The following GLCCI1 variants were observed in gnomAD, a reference collection of about 807,000 sequenced individuals.
GLCCI1 encodes glucocorticoid induced 1.
A neutral mutation model predicts 52.2 loss-of-function variants in GLCCI1; 24 were observed. That is an observed-to-expected ratio of 0.46 (90% confidence interval 0.33 to 0.65). The LOEUF is 0.65. GLCCI1 is among the 30% of genes least tolerant of loss of function. The pLI is 0.02. For missense variants in GLCCI1, 704 were observed against 701.5 expected (o/e 1.00, Z -0.04); for synonymous variants, 310 against 276.5 (o/e 1.12, Z -1.20).
intron 6 of GLCCI1, among the ~76,000 whole-genome samples, chr7:8,077,797 G>C (rs1782905175): frequency 6.6e-6 from 1 of 152,248 alleles, no homozygotes; most frequent in African/African-American, 2.4e-5. Flanking sequence ...ATTACATCTT[G>C]CTGCCTTTAC....
chr7:8,046,178 GA>G (rs759755315), intron 3 of GLCCI1, among the ~76,000 whole-genome samples: 92 of 151,444 alleles, frequency 6.1e-4, no homozygotes, highest in Non-Finnish European at 1.2e-3. Flanking sequence ...GCTGGGAATT[GA>G]AAGTTAGGAT....
chr7:8,012,608 C>T (rs956633532), intron 2 of GLCCI1, among the ~76,000 whole-genome samples: 95 of 151,596 alleles, frequency 6.3e-4, no homozygotes, highest in Non-Finnish European at 3.4e-4. Context: ...CCATGCCCGG[C>T]TAATTTTTTG....
At chr7:8,032,333 T>G (rs1000501226) in intron 3 of GLCCI1, among the ~76,000 whole-genome samples, 1 of 151,996 alleles carries the variant, frequency 6.6e-6, no homozygotes, top group Non-Finnish European at 1.5e-5. Flanking sequence ...ATTAATTACA[T>G]AAGTTTCCAT....
chr7:7,993,468 C>G lies in GLCCI1; in HGVS notation c.458-10440C>G, dbSNP rs116034201. 3.8e-3 allele frequency among the ~76,000 whole-genome samples: 584 copies of G among 152,316 alleles called. 2 individuals are homozygous for G. The highest frequency in any genetic ancestry group is 0.013 in the African/African-American group (554 of 41,548). On this transcript the variant is annotated intron_variant, in intron 1 of 7. Coordinates refer to ENST00000223145, the MANE Select transcript of GLCCI1 (RefSeq NM_138426.4). ...TAGATTTGAGCATAGCCATATTGCT[C>G]TAGTATCTCAGACTTTATTGAGTTG... is the stretch of plus-strand genomic sequence containing the variant.
At chr7:8,060,838 T>A (rs1782498789) in intron 5 of GLCCI1, among the ~76,000 whole-genome samples, 2 of 152,194 alleles carry the variant, frequency 1.3e-5, no homozygotes, top group South Asian at 2.1e-4. Flanking sequence ...GGTATATACC[T>A]AGGGTTGGAA....
intron 2 of GLCCI1, 88 bp from the exon 3 acceptor site, chr7:8,022,395 G>A (rs1163021718): frequency 1.5e-6 from 1 of 668,096 alleles, no homozygotes; most frequent in African/African-American, 2.0e-5. Flanking sequence ...ACTGGTAAGT[G>A]CTAAGAATTT....
intron 1 of GLCCI1, chr7:7,981,873 T>A: frequency 2.2e-6 from 1 of 455,874 alleles, no homozygotes; most frequent in East Asian, 6.4e-5. Flanking sequence ...GGCAGAAGAC[T>A]CCAAGTCAAG....
intron 2 of GLCCI1, among the ~76,000 whole-genome samples, chr7:8,007,547 A>T (rs1420552767): frequency 6.6e-6 from 1 of 152,192 alleles, no homozygotes; most frequent in Admixed American, 6.5e-5. Flanking sequence ...AATTGAAGAT[A>T]CAAGAGATGA....
In GLCCI1 at chr7:7,968,834, C is replaced by T. The variant is rs138627116; in HGVS notation, c.-517C>T. On this transcript the variant is annotated 5_prime_UTR_variant, in exon 1 of 8. Transcript: ENST00000223145. ...AGTGAGGAGTGGGTAGAAGCGGCGG[C>T]GGCGGCGGCGGCGTTTGCGGTGGCG... 9 of 160,654 alleles carry T rather than the reference C, an allele frequency of 5.6e-5. No homozygotes were observed. Among genetic ancestry groups the T allele is most frequent in the South Asian group, 1.5e-4 (1 of 6,514 alleles). 10.0% of individuals were successfully genotyped at this position (160,654 alleles called of 1,614,324 possible). A position where few individuals can be genotyped will look rare whatever the true frequency, so the allele number is the denominator to read the frequency against.
chr7:8,037,561 C>G (rs915446322), intron 3 of GLCCI1, among the ~76,000 whole-genome samples: 3 of 152,084 alleles, frequency 2.0e-5, no homozygotes, highest in Non-Finnish European at 4.4e-5. Flanking sequence ...TAATTCTGAA[C>G]ATAAATGGGT....
At chr7:8,028,364 T>G (rs1448295209) in intron 3 of GLCCI1, among the ~76,000 whole-genome samples, 2 of 152,040 alleles carry the variant, frequency 1.3e-5, no homozygotes, top group Non-Finnish European at 2.9e-5. Context: ...AAATGACCAA[T>G]GAGTCAATGA....
At chr7:7,981,704 C>T (rs1780625486) in intron 1 of GLCCI1, 2 of 247,964 alleles carry the variant, frequency 8.1e-6, no homozygotes, top group African/African-American at 4.7e-5. Flanking sequence ...GGATTTTAGC[C>T]AGTCTGTTAC....
intron 4 of GLCCI1, among the ~76,000 whole-genome samples, chr7:8,056,458 TC>T (rs1782399949): frequency 6.6e-6 from 1 of 152,236 alleles, no homozygotes; most frequent in African/African-American, 2.4e-5. Context: ...TTTCTCTGTG[TC>T]TCTATGTATC....
intron 1 of GLCCI1, among the ~76,000 whole-genome samples, chr7:7,974,990 T>G (rs1780434530): frequency 6.6e-6 from 1 of 152,190 alleles, no homozygotes; most frequent in Non-Finnish European, 1.5e-5. Flanking sequence ...AATATCTAAC[T>G]TCTGGTTTCT....
intron 6 of GLCCI1, among the ~76,000 whole-genome samples, chr7:8,077,322 G>C: frequency 6.6e-6 from 1 of 152,204 alleles, no homozygotes; most frequent in Non-Finnish European, 1.5e-5. Context: ...CTGACAGAAG[G>C]CAGACCCAGT....
chr7:8,048,352 A>G (rs545266140), intron 3 of GLCCI1, among the ~76,000 whole-genome samples: 2 of 151,500 alleles, frequency 1.3e-5, no homozygotes, highest in Admixed American at 6.6e-5. Context: ...ACCTAAAACA[A>G]CCCTTCATGA....
At chr7:7,970,710 G>A (rs188864553) in intron 1 of GLCCI1, among the ~76,000 whole-genome samples, 300 of 152,302 alleles carry the variant, frequency 2.0e-3, no homozygotes, top group Middle Eastern at 3.4e-3. Flanking sequence ...TAGGGACACA[G>A]TGCATGATTT....
At chr7:8,078,704 T>C (rs6961176) in intron 6 of GLCCI1, 38,012 of 152,048 alleles carry the variant, frequency 0.25, 5,079 homozygotes, top group East Asian at 0.42. Context: ...GGAAAGGGGC[T>C]GAAGAAGAGT....
chr7:8,073,591 T>G (rs964877398), intron 6 of GLCCI1, among the ~76,000 whole-genome samples: 13 of 152,206 alleles, frequency 8.5e-5, no homozygotes, highest in African/African-American at 3.1e-4. Flanking sequence ...AAAATATTTC[T>G]TAGTAAAATA....
Sources: allele counts gnomAD v4.1 joint callset (sites outside exome capture counted in the v4.1 genomes callset), GRCh38; gene constraint gnomAD v4.1.1; transcripts MANE v1.5; gene names NCBI Gene and HGNC (gene_info 2026-07-23, HGNC 2026-07-21).